The following PCDH11X variants were observed in gnomAD, a reference collection of about 807,000 sequenced individuals.
PCDH11X encodes the protein protocadherin 11 X-linked.
Under a neutral mutation model 53.3 loss-of-function variants are expected in PCDH11X, and 18 were observed. That is an observed-to-expected ratio of 0.34 (90% CI 0.23 to 0.50). The LOEUF is 0.50. PCDH11X is among the 20% of genes least tolerant of loss of function. The pLI is 0.98. For missense variants in PCDH11X, 570 were observed against 1,032.4 expected (o/e 0.55, Z 6.14); for synonymous variants, 279 against 393.3 (o/e 0.71, Z 3.44).
intron 1 of PCDH11X, among the ~76,000 whole-genome samples, chrX:91,780,138 T>G (rs1935082929): frequency 5.4e-5 from 6 of 111,707 alleles, no homozygotes; most frequent in Admixed American, 2.8e-4. Context: ...GGGCGATGCC[T>G]CTAGCTGAGA....
chrX:91,879,218 A>T lies in PCDH11X; in HGVS notation c.2978A>T (p.Asp993Val). 8.3e-7 allele frequency: 1 copy of T among 1,211,806 alleles called. No individual in the cohort carries two copies. Among genetic ancestry groups the T allele is most frequent in the Non-Finnish European group, 1.1e-6 (1 of 895,487 alleles). The change falls in exon 6 of 11, where the codon GAC becomes GTC. Residue 993 changes from aspartate to valine, a missense_variant. This residue lies in a region of PCDH11X where 234 missense variants were observed against 296.1 expected (regional missense o/e 0.79). Transcript: ENST00000682573. The stretch of plus-strand genomic sequence containing the variant: ...AGTTCAGATCCCTACAGCGTTTCTG[A>T]CTGTGGCTATCCAGTGACGACCTTC... Reference protein sequence around the residue: ...SSSSDPYSVSDCGYPVTTFEV... With the variant: ...SSSSDPYSVSVCGYPVTTFEV...
At chrX:92,109,181 G>C (rs2064448964) in intron 6 of PCDH11X, among the ~76,000 whole-genome samples, 2 of 111,233 alleles carry the variant, frequency 1.8e-5, no homozygotes, top group Admixed American at 9.6e-5. Flanking sequence ...GACCAGCCTG[G>C]CTAACGTGGT....
At chrX:91,818,528 T>A (rs745343044) in intron 4 of PCDH11X, among the ~76,000 whole-genome samples, 5 of 101,779 alleles carry the variant, frequency 4.9e-5, no homozygotes, top group African/African-American at 1.7e-4. Context: ...TGAAACCCCA[T>A]CTCTACTAAA....
intron 6 of PCDH11X, among the ~76,000 whole-genome samples, chrX:92,142,370 G>GCA (rs201418320): frequency 0.06 from 5,766 of 95,495 alleles, 158 homozygotes; most frequent in Middle Eastern, 0.11. Flanking sequence ...GTGCGCGCGC[G>GCA]CACACACACA....
At chrX:92,147,198 A>G in intron 6 of PCDH11X, among the ~76,000 whole-genome samples, 1 of 108,806 alleles carries the variant, frequency 9.2e-6, no homozygotes, top group Admixed American at 9.8e-5. Context: ...GTTAGCAGAA[A>G]CAAAATCAAG....
intron 7 of PCDH11X, among the ~76,000 whole-genome samples, chrX:92,233,170 T>C (rs1345477146): frequency 1.8e-5 from 2 of 111,751 alleles, no homozygotes; most frequent in African/African-American, 6.5e-5. Context: ...TCTTATTGTG[T>C]ATTGCTTCCT....
chrX:91,911,878 A>G (rs1941382081), intron 6 of PCDH11X, among the ~76,000 whole-genome samples: 1 of 111,021 alleles, frequency 9.0e-6, no homozygotes, highest in South Asian at 3.8e-4. Context: ...TATGGGTGGT[A>G]TGGACATTTT....
At chrX:92,353,792 A>G (rs780294310) in intron 8 of PCDH11X, among the ~76,000 whole-genome samples, 1 of 110,905 alleles carries the variant, frequency 9.0e-6, no homozygotes, top group Non-Finnish European at 1.9e-5. Flanking sequence ...TATCAATGTT[A>G]TTTATAGTGT....
At chrX:92,390,370 C>CGTGTGTGTGT (rs60286215) in intron 9 of PCDH11X, among the ~76,000 whole-genome samples, 5 of 93,672 alleles carry the variant, frequency 5.3e-5, no homozygotes, top group African/African-American at 1.5e-4. Flanking sequence ...TAACATAGTA[C>CGTGTGTGTGT]GTGTGTGTGT....
chrX:92,560,204 G>C (rs1425458267), intron 10 of PCDH11X, among the ~76,000 whole-genome samples: 2 of 111,090 alleles, frequency 1.8e-5, no homozygotes, highest in South Asian at 3.8e-4. Context: ...ATACAACCGG[G>C]GCTGGAAGCA....
intron 7 of PCDH11X, among the ~76,000 whole-genome samples, chrX:92,214,444 C>CAGTTAA (rs1287527923): frequency 2.7e-5 from 3 of 111,847 alleles, no homozygotes; most frequent in African/African-American, 9.7e-5. Context: ...TACACAGACC[C>CAGTTAA]TGAGACAAGT....
At chrX:92,531,130 G>C (rs1219343790) in intron 10 of PCDH11X, among the ~76,000 whole-genome samples, 2 of 111,029 alleles carry the variant, frequency 1.8e-5, no homozygotes, top group Non-Finnish European at 3.8e-5. Flanking sequence ...TGCACACACA[G>C]AGAGTTTTAT....
At chrX:92,037,457 T>A (rs2562916) in intron 6 of PCDH11X, among the ~76,000 whole-genome samples, 87 of 112,138 alleles carry the variant, frequency 7.8e-4, no homozygotes, top group Non-Finnish European at 1.4e-3. Context: ...TCCAGTCTAT[T>A]ACTGATGGGC....
chrX:92,603,661 C>T (rs1205965864), intron 10 of PCDH11X, among the ~76,000 whole-genome samples: 1 of 102,458 alleles, frequency 9.8e-6, no homozygotes, highest in Non-Finnish European at 2.0e-5. Context: ...ATTTTTTATC[C>T]AGCAAAATAT....
intron 10 of PCDH11X, among the ~76,000 whole-genome samples, chrX:92,571,039 A>G (rs1246498370): frequency 1.8e-5 from 2 of 112,300 alleles, no homozygotes; most frequent in Non-Finnish European, 3.8e-5. Flanking sequence ...TTTATAATTT[A>G]TAGAAATTAC....
At chrX:92,448,904 A>AT (rs1274925471) in intron 9 of PCDH11X, among the ~76,000 whole-genome samples, 1 of 111,507 alleles carries the variant, frequency 9.0e-6, no homozygotes, top group African/African-American at 3.3e-5. Flanking sequence ...AGATTTTCAT[A>AT]TTTTTTCATA....
intron 8 of PCDH11X, among the ~76,000 whole-genome samples, chrX:92,332,602 A>G (rs1177199508): frequency 8.9e-6 from 1 of 112,393 alleles, no homozygotes; most frequent in Non-Finnish European, 1.9e-5. Context: ...ATGTTCTCAC[A>G]ATTTCTAAAG....
At chrX:91,921,963 C>T (rs1286604264) in intron 6 of PCDH11X, among the ~76,000 whole-genome samples, 4 of 111,010 alleles carry the variant, frequency 3.6e-5, no homozygotes. Flanking sequence ...TTTTACGACT[C>T]AGTGTTTTCT....
chrX:92,352,890 C>A (rs1467766933), intron 8 of PCDH11X, among the ~76,000 whole-genome samples: 2 of 110,209 alleles, frequency 1.8e-5, no homozygotes, highest in African/African-American at 3.3e-5. Context: ...AGGAGCAATC[C>A]ACTTTCTTCA....
Sources: gnomAD v4.1 joint callset for allele counts (sites outside exome capture counted in the v4.1 genomes callset) on GRCh38, gnomAD v4.1.1 for gene constraint, gnomAD v4.1.1 regional missense constraint, MANE v1.5 for transcripts, NCBI Gene and HGNC (gene_info 2026-07-23, HGNC 2026-07-21) for gene names.